The following PPP1R12A variants were observed in gnomAD, a reference collection of about 807,000 sequenced individuals.
The protein encoded by PPP1R12A is myosin binding subunit.
Under a neutral mutation model 139.6 loss-of-function variants are expected in PPP1R12A, and 19 were observed. The ratio of observed to expected loss-of-function variants is 0.14; its 90% confidence interval spans 0.09 to 0.20. PPP1R12A has a LOEUF of 0.20. Among genes scored for constraint, PPP1R12A ranks in the 10% least tolerant of loss-of-function variants. The pLI is 1.00. For missense variants in PPP1R12A, 925 were observed against 1,211.5 expected (o/e 0.76, Z 3.51); for synonymous variants, 427 against 420.6 (o/e 1.02, Z -0.19).
chr12:79,870,469 C>A (rs760252455), intron 2 of PPP1R12A, among the ~76,000 whole-genome samples: 1 of 152,132 alleles, frequency 6.6e-6, no homozygotes, highest in Admixed American at 6.6e-5. Context: ...ATCACCTTAA[C>A]AAATCATCCA....
intron 1 of PPP1R12A, among the ~76,000 whole-genome samples, chr12:79,884,890 A>C (rs964027763): frequency 6.6e-6 from 1 of 152,186 alleles, no homozygotes; most frequent in African/African-American, 2.4e-5. Flanking sequence ...CATAAGGAAA[A>C]AATTGAGAAG....
At chr12:79,933,672 A>G (rs1309533118) in intron 1 of PPP1R12A, among the ~76,000 whole-genome samples, 1 of 152,246 alleles carries the variant, frequency 6.6e-6, no homozygotes, top group Non-Finnish European at 1.5e-5. Flanking sequence ...CTTTTTATGC[A>G]TAACTCTACG....
intron 1 of PPP1R12A, among the ~76,000 whole-genome samples, chr12:79,907,819 G>T (rs914283301): frequency 6.6e-6 from 1 of 152,128 alleles, no homozygotes; most frequent in Non-Finnish European, 1.5e-5. Context: ...TGTTGCTTGA[G>T]CCAAGGAGTT....
At chr12:79,860,763 T>A (rs1881222688) in intron 2 of PPP1R12A, among the ~76,000 whole-genome samples, 1 of 152,180 alleles carries the variant, frequency 6.6e-6, no homozygotes, top group Non-Finnish European at 1.5e-5. Context: ...AGTAACCTGA[T>A]GGTATATTCC....
At position 79,860,199 on chromosome 12, in the gene PPP1R12A, G is replaced by T. The variant is rs148092278; in HGVS notation, c.368+12609C>A. On this transcript the variant is annotated intron_variant, in intron 2 of 24. Coordinates refer to ENST00000450142, the MANE Select transcript of PPP1R12A (RefSeq NM_002480.3). ...GGTGGCAAAATTAAATAACAGAAAA[G>T]ATTATATCCAAATAATTACACCAGA... is the stretch of plus-strand genomic sequence containing the variant. Among the ~76,000 whole-genome samples, 557 of 152,194 alleles carry T rather than the reference G, an allele frequency of 3.7e-3. 3 individuals are homozygous for T. Among genetic ancestry groups the T allele is most frequent in the African/African-American group, 0.013 (536 of 41,496 alleles).
At chr12:79,820,979 A>C (rs375608151) in intron 7 of PPP1R12A, 48 bp from the exon 8 acceptor site, 1 of 1,605,136 alleles carries the variant, frequency 6.2e-7, no homozygotes, top group South Asian at 1.1e-5. Context: ...CAAAAGGTTA[A>C]AATATATTCA....
chr12:79,934,725 G>T lies in PPP1R12A; in HGVS notation c.207C>A (p.Ala69=). ...LLHRGADINY[A]NVDGLTALHQ... is the part of the protein sequence containing the mutation. The stretch of plus-strand genomic sequence containing the variant: ...GCAGGGCAGTGAGTCCGTCCACATT[G>T]GCGTAATTGATGTCGGCGCCGCGGT... Residue 69 remains alanine, a synonymous_variant, in exon 1 of 25, where the codon GCC becomes GCA. Transcript: ENST00000450142. 1 of 1,548,692 alleles carries T rather than the reference G, an allele frequency of 6.5e-7. No individual in the cohort carries two copies.
chr12:79,912,427 C>T (rs994104324), intron 1 of PPP1R12A, among the ~76,000 whole-genome samples: 1 of 152,094 alleles, frequency 6.6e-6, no homozygotes, highest in Non-Finnish European at 1.5e-5. Context: ...CATGGTGACT[C>T]ACACTGGTAA....
intron 1 of PPP1R12A, among the ~76,000 whole-genome samples, chr12:79,884,114 A>G: frequency 6.6e-6 from 1 of 152,184 alleles, no homozygotes; most frequent in East Asian, 1.9e-4. Context: ...CAAGATCCAG[A>G]ATAGGGTCTT....
At position 79,775,831 on chromosome 12, in the gene PPP1R12A, A is replaced by G; in HGVS notation, c.*98T>C. 1.4e-6 allele frequency: 1 copy of G among 716,832 alleles called. No homozygotes were observed. Among genetic ancestry groups the G allele is most frequent in the Non-Finnish European group, 2.1e-6 (1 of 475,252 alleles). 44.4% of individuals were successfully genotyped at this position (716,832 alleles called of 1,614,324 possible). A position where few individuals can be genotyped will look rare whatever the true frequency, so the allele number is the denominator to read the frequency against. On this transcript the variant is annotated 3_prime_UTR_variant, in exon 25 of 25. Coordinates refer to ENST00000450142, the MANE Select transcript of PPP1R12A (RefSeq NM_002480.3). ...ATTTGGCAGGATATCCGAAAATGAC[A>G]GTCTCCAAGGATTCTTCCCAGACTT...
chr12:79,895,413 T>C (rs1431816735), intron 1 of PPP1R12A, among the ~76,000 whole-genome samples: 2 of 152,170 alleles, frequency 1.3e-5, no homozygotes, highest in Non-Finnish European at 2.9e-5. Flanking sequence ...TTTACAATTC[T>C]GCCTACTCAT....
In PPP1R12A at chr12:79,805,093, T is replaced by G. The variant is rs138377930; in HGVS notation, c.2000+499A>C. 1.5e-4 allele frequency among the ~76,000 whole-genome samples: 23 copies of G among 152,366 alleles called. No individual in the cohort carries two copies. The East Asian group carries it at 4.1e-3, about 27-fold the overall frequency. ...TAAAATTAAATGAATGTATTCAACA[T>G]ACTCAAAATTATTTGGCTTACACTT... On this transcript the variant is annotated intron_variant, in intron 14 of 24. Coordinates refer to ENST00000450142, the MANE Select transcript of PPP1R12A (RefSeq NM_002480.3).
At chr12:79,841,068 AAGAGAG>A (rs943798768) in intron 3 of PPP1R12A, among the ~76,000 whole-genome samples, 19 of 150,108 alleles carry the variant, frequency 1.3e-4, no homozygotes, top group Non-Finnish European at 2.4e-4. Flanking sequence ...AAAAAAAAAA[AAGAGAG>A]AGAGAGAGAG....
chr12:79,784,018 A>G (rs982284407), intron 22 of PPP1R12A, among the ~76,000 whole-genome samples: 3 of 152,178 alleles, frequency 2.0e-5, no homozygotes, highest in African/African-American at 7.2e-5. Context: ...CAAGGATTCC[A>G]GAGTCTCTTG....
chr12:79,933,846 T>C (rs1198751790), intron 1 of PPP1R12A, among the ~76,000 whole-genome samples: 1 of 152,208 alleles, frequency 6.6e-6, no homozygotes, highest in South Asian at 2.1e-4. Context: ...CCAGCTTTCT[T>C]TTTTCCCAAC....
At chr12:79,900,423 G>A (rs1885529318) in intron 1 of PPP1R12A, among the ~76,000 whole-genome samples, 1 of 152,174 alleles carries the variant, frequency 6.6e-6, no homozygotes, top group East Asian at 1.9e-4. Flanking sequence ...GGATTCTAGG[G>A]TCCACCACGT....
In PPP1R12A at chr12:79,845,414, C is replaced by T; in HGVS notation, c.375G>A (p.Leu125=). The T allele has an allele frequency of 6.2e-7, 1 of 1,604,156 alleles. No individual in the cohort carries two copies. The highest frequency in any genetic ancestry group is 8.5e-7 in the Non-Finnish European group (1 of 1,173,894). Residue 125 remains leucine, a synonymous_variant, in exon 3 of 25, where the codon TTG becomes TTA. Transcript: ENST00000450142. ...CCCCTACATGTGCTCCTTGACCAAT[C>T]AAAAACCTGTAAAACCAAAGGAAAA... ...SCGYLDIAEF[L]IGQGAHVGAV...
intron 15 of PPP1R12A, 84 bp downstream of exon 15, chr12:79,798,410 G>A (rs889173718): frequency 7.2e-6 from 6 of 833,536 alleles, no homozygotes; most frequent in Non-Finnish European, 1.1e-5. Flanking sequence ...AAAAGAGAAA[G>A]GTAACTTGTT....
intron 1 of PPP1R12A, among the ~76,000 whole-genome samples, chr12:79,894,347 G>A (rs930446165): frequency 2.0e-5 from 3 of 152,160 alleles, no homozygotes; most frequent in Non-Finnish European, 4.4e-5. Context: ...GTAAAAGACA[G>A]CTAGTTGGTT....
Sources: gnomAD v4.1 joint callset for allele counts (sites outside exome capture counted in the v4.1 genomes callset) on GRCh38, gnomAD v4.1.1 for gene constraint, MANE v1.5 for transcripts, NCBI Gene and HGNC (gene_info 2026-07-23, HGNC 2026-07-21) for gene names.